The following CLOCK variants were observed in gnomAD, a reference collection of about 807,000 sequenced individuals.
CLOCK encodes the protein clock circadian regulator.
Under a neutral mutation model 118.4 loss-of-function variants are expected in CLOCK, and 43 were observed. The ratio of observed to expected loss-of-function variants is 0.36; its 90% CI spans 0.28 to 0.47. The LOEUF (loss-of-function observed/expected upper bound fraction) is 0.47. Among genes scored for constraint, CLOCK ranks in the 20% least tolerant of loss-of-function variants. The pLI is 1.00. For synonymous variants in CLOCK, 326 were observed against 339.2 expected (o/e 0.96, Z 0.43); for missense variants, 846 against 999.9 (o/e 0.85, Z 2.08).
chr4:55,467,419 T>C (rs537946823), intron 8 of CLOCK, among the ~76,000 whole-genome samples: 131 of 152,272 alleles, frequency 8.6e-4, no homozygotes, highest in African/African-American at 3.1e-3. Flanking sequence ...CAGAAAATTA[T>C]AATTCTCTGT....
At chr4:55,545,158 G>A (rs1731531807) in intron 1 of CLOCK, among the ~76,000 whole-genome samples, 1 of 151,654 alleles carries the variant, frequency 6.6e-6, no homozygotes, top group Non-Finnish European at 1.5e-5. Flanking sequence ...CTGGTGTGCT[G>A]CACCCATTAA....
At chr4:55,493,162 T>C (rs1727840747) in intron 2 of CLOCK, among the ~76,000 whole-genome samples, 1 of 152,182 alleles carries the variant, frequency 6.6e-6, no homozygotes, top group Admixed American at 6.5e-5. Context: ...CAACCTGTTA[T>C]CTATTCCAGA....
chr4:55,440,467 A>ATGTGG lies in CLOCK; in HGVS notation c.2106-1931_2106-1930insCCACA, dbSNP rs1245887848. ...GTCATTACAGTGAGATATGACACTA[A>ATGTGG]CATAGATGTGGCATGACATAACTGT... is the stretch of plus-strand genomic sequence containing the variant. On this transcript the variant is annotated intron_variant, in intron 21 of 22. Transcript: ENST00000513440. Among the ~76,000 whole-genome samples the ATGTGG allele has an allele frequency of 2.0e-5, 3 of 152,240 alleles. No individual in the cohort carries two copies. The East Asian group carries it at 5.8e-4, about 29-fold the overall frequency.
intron 20 of CLOCK, 105 bp from the exon 21 acceptor site, chr4:55,442,739 G>A: frequency 1.0e-6 from 1 of 992,586 alleles, no homozygotes; most frequent in Non-Finnish European, 1.5e-6. Context: ...GACAGAGAAA[G>A]AAGTGGCAGG....
chr4:55,519,430 A>G (rs939946017), intron 1 of CLOCK, among the ~76,000 whole-genome samples: 3 of 152,140 alleles, frequency 2.0e-5, no homozygotes, highest in Admixed American at 6.6e-5. Flanking sequence ...GGGATGTGCT[A>G]AGACCCTGAC....
At chr4:55,514,615 A>G (rs1729373417) in intron 1 of CLOCK, among the ~76,000 whole-genome samples, 1 of 151,506 alleles carries the variant, frequency 6.6e-6, no homozygotes, top group African/African-American at 2.4e-5. Flanking sequence ...TAAATCATGA[A>G]TGGGTGTTGG....
chr4:55,457,678 C>A (rs1725012292), intron 11 of CLOCK, among the ~76,000 whole-genome samples: 1 of 152,152 alleles, frequency 6.6e-6, no homozygotes, highest in African/African-American at 2.4e-5. Flanking sequence ...ACACACTAAC[C>A]CTAGACTCTA....
intron 9 of CLOCK, among the ~76,000 whole-genome samples, chr4:55,463,273 A>C (rs1725499793): frequency 6.6e-6 from 1 of 152,122 alleles, no homozygotes. Context: ...ATATTTAATA[A>C]TTTTAAAAGA....
At position 55,533,117 on chromosome 4, in the gene CLOCK, CA is replaced by C. The variant is rs1730663766; in HGVS notation, c.-290+13664del. ...GACATTTTTTTTGCAGAAATAGAAA[CA>C]AAACCATCCTAAAATTCATACAGAA... On this transcript the variant is annotated intron_variant, in intron 1 of 22. Transcript: ENST00000513440. Among the ~76,000 whole-genome samples, 3 of 152,120 alleles carry C rather than the reference CA, an allele frequency of 2.0e-5. No individual in the cohort carries two copies. In the South Asian group the frequency reaches 6.2e-4, roughly 32 times the overall value.
At chr4:55,506,070 T>C (rs1448488128) in intron 2 of CLOCK, among the ~76,000 whole-genome samples, 1 of 152,158 alleles carries the variant, frequency 6.6e-6, no homozygotes, top group African/African-American at 2.4e-5. Context: ...TTTCTCTCTT[T>C]TTTTGTTTTA....
At chr4:55,452,915 G>A in intron 15 of CLOCK, 139 bp downstream of exon 15, 1 of 628,232 alleles carries the variant, frequency 1.6e-6, no homozygotes, top group Non-Finnish European at 2.7e-6. Context: ...TTAAAAATAA[G>A]TAGTAAAGTA....
At chr4:55,511,329 T>C (rs982811824) in intron 1 of CLOCK, among the ~76,000 whole-genome samples, 1 of 152,200 alleles carries the variant, frequency 6.6e-6, no homozygotes, top group Non-Finnish European at 1.5e-5. Flanking sequence ...ATTAATTTTC[T>C]TGTACTGACA....
intron 8 of CLOCK, among the ~76,000 whole-genome samples, chr4:55,467,502 G>T (rs1725815696): frequency 6.6e-6 from 1 of 152,186 alleles, no homozygotes; most frequent in African/African-American, 2.4e-5. Context: ...TGGAATTCAA[G>T]CAAGTGCCAA....
intron 1 of CLOCK, among the ~76,000 whole-genome samples, chr4:55,511,704 C>T (rs950932805): frequency 6.6e-6 from 1 of 152,184 alleles, no homozygotes; most frequent in Admixed American, 6.5e-5. Context: ...CATGCATCCA[C>T]TATCATATCA....
chr4:55,508,970 T>C (rs1166317830), intron 2 of CLOCK, among the ~76,000 whole-genome samples: 2 of 152,230 alleles, frequency 1.3e-5, no homozygotes, highest in East Asian at 1.9e-4. Flanking sequence ...CTAGATGGTA[T>C]AGCCTACTAT....
chr4:55,526,955 A>AAG (rs1730240206), intron 1 of CLOCK, among the ~76,000 whole-genome samples: 1 of 151,492 alleles, frequency 6.6e-6, no homozygotes. Context: ...TCAAAAAAAA[A>AAG]AAAAAAAGCT....
At chr4:55,490,927 A>G (rs1727631499) in intron 2 of CLOCK, among the ~76,000 whole-genome samples, 2 of 152,152 alleles carry the variant, frequency 1.3e-5, no homozygotes, top group South Asian at 4.1e-4. Context: ...TCTCTAGGAC[A>G]GATCACCTAA....
chr4:55,484,823 TTGC>T (rs1356806696), intron 3 of CLOCK, among the ~76,000 whole-genome samples: 1 of 152,198 alleles, frequency 6.6e-6, no homozygotes, highest in East Asian at 1.9e-4. Context: ...AGGAAAAGCC[TTGC>T]TGACTACTAG....
chr4:55,458,197 A>G (rs1030392386), intron 11 of CLOCK, among the ~76,000 whole-genome samples: 1 of 152,140 alleles, frequency 6.6e-6, no homozygotes, highest in African/African-American at 2.4e-5. Flanking sequence ...AGTAACTGAG[A>G]CCACAGGTGT....
Sources: gnomAD v4.1 joint callset for allele counts (sites outside exome capture counted in the v4.1 genomes callset) on GRCh38, gnomAD v4.1.1 for gene constraint, MANE v1.5 for transcripts, NCBI Gene and HGNC (gene_info 2026-07-23, HGNC 2026-07-21) for gene names.